EEFSEC: variants seen among roughly 807,000 people sequenced by gnomAD.
EEFSEC encodes eukaryotic elongation factor, selenocysteine-tRNA specific.
EEFSEC carries 43 observed loss-of-function variants against 42.1 expected under a neutral mutation model. The observed-to-expected ratio is 1.02, with a 90% CI of 0.80 to 1.32. The LOEUF (loss-of-function observed/expected upper bound fraction) is 1.32. EEFSEC is among the 40% of genes most tolerant of loss of function. The pLI is 0.00. For synonymous variants in EEFSEC, 354 were observed against 339.1 expected, an observed-to-expected ratio of 1.04 and a Z score of -0.48; for missense variants, 745 against 803.6, an observed-to-expected ratio of 0.93 and a Z score of 0.88.
At chr3:128,398,151 G>T (rs1176086558) in intron 6 of EEFSEC, among the ~76,000 whole-genome samples, 1 of 152,232 alleles carries the variant, frequency 6.6e-6, no homozygotes, top group South Asian at 2.1e-4. Context: ...GGCTGTGCAG[G>T]CCCTGACTAT....
At chr3:128,154,743 C>T (rs1944342939) in intron 1 of EEFSEC, among the ~76,000 whole-genome samples, 1 of 152,194 alleles carries the variant, frequency 6.6e-6, no homozygotes, top group Admixed American at 6.5e-5. Flanking sequence ...GCCACCACGT[C>T]CGGCCTGTAC....
At chr3:128,362,222 C>G (rs772882545) in intron 6 of EEFSEC, 9 of 527,298 alleles carry the variant, frequency 1.7e-5, no homozygotes, top group Non-Finnish European at 3.1e-5. Context: ...TCAGCACTCA[C>G]TCACAGAGGC....
chr3:128,400,404 C>A (rs1201423505), intron 6 of EEFSEC, among the ~76,000 whole-genome samples: 1 of 152,240 alleles, frequency 6.6e-6, no homozygotes, highest in East Asian at 1.9e-4. Flanking sequence ...GAATCCAAGG[C>A]CCTCTGTGGC....
In EEFSEC at chr3:128,204,013, A is replaced by G. The variant is rs140006364; in HGVS notation, c.317-42823A>G. Among the ~76,000 whole-genome samples, 822 of 152,350 alleles carry G rather than the reference A, an allele frequency of 5.4e-3. 4 individuals carry two copies. Among genetic ancestry groups the G allele is most frequent in the Non-Finnish European group, 7.5e-3 (511 of 68,024 alleles). On this transcript the variant is annotated intron_variant, in intron 1 of 6. Transcript: ENST00000254730. ...AAAGCAGCTCTGTGAAGTGAGTCCT[A>G]TTTTCTCAGTGACTTGCATATTCTA... is the stretch of plus-strand genomic sequence containing the variant.
chr3:128,174,828 A>C (rs1265532719), intron 1 of EEFSEC, among the ~76,000 whole-genome samples: 1 of 152,206 alleles, frequency 6.6e-6, no homozygotes, highest in Non-Finnish European at 1.5e-5. Context: ...TGGCACCAGA[A>C]TGTAGCCACT....
At chr3:128,229,505 T>C (rs2065939293) in intron 1 of EEFSEC, among the ~76,000 whole-genome samples, 1 of 152,186 alleles carries the variant, frequency 6.6e-6, no homozygotes, top group African/African-American at 2.4e-5. Flanking sequence ...AAATCTGCCC[T>C]ACCCCAGGCA....
intron 4 of EEFSEC, among the ~76,000 whole-genome samples, chr3:128,285,548 C>T (rs753943051): frequency 6.6e-6 from 1 of 152,158 alleles, no homozygotes; most frequent in Non-Finnish European, 1.5e-5. Flanking sequence ...CTCCTCACCA[C>T]CTGTAGCATG....
intron 1 of EEFSEC, among the ~76,000 whole-genome samples, chr3:128,211,755 A>G (rs2065758187): frequency 6.6e-6 from 1 of 150,388 alleles, no homozygotes; most frequent in African/African-American, 2.5e-5. Flanking sequence ...AGTTCAGGCA[A>G]TTTGCCTGCC....
intron 1 of EEFSEC, among the ~76,000 whole-genome samples, chr3:128,174,102 G>T (rs992301206): frequency 6.6e-6 from 1 of 152,176 alleles, no homozygotes; most frequent in Non-Finnish European, 1.5e-5. Flanking sequence ...TGCTCTGGCC[G>T]CTGCTCTCAG....
At chr3:128,290,040 T>A (rs1456888395) in intron 4 of EEFSEC, among the ~76,000 whole-genome samples, 1 of 152,228 alleles carries the variant, frequency 6.6e-6, no homozygotes, top group Non-Finnish European at 1.5e-5. Context: ...AAATTGCCTT[T>A]TCATTTTGTT....
intron 4 of EEFSEC, among the ~76,000 whole-genome samples, chr3:128,286,920 A>C (rs780087005): frequency 6.6e-6 from 1 of 152,230 alleles, no homozygotes. Context: ...AATCAAGTAC[A>C]CATGGCTCAT....
chr3:128,338,283 G>A (rs556268246), intron 4 of EEFSEC, among the ~76,000 whole-genome samples: 5 of 152,298 alleles, frequency 3.3e-5, no homozygotes, highest in East Asian at 1.9e-4. Flanking sequence ...TCAAGGCAGC[G>A]GCACCCTCCC....
At chr3:128,243,501 G>A (rs1392310537) in intron 1 of EEFSEC, among the ~76,000 whole-genome samples, 2 of 152,226 alleles carry the variant, frequency 1.3e-5, no homozygotes, top group African/African-American at 4.8e-5. Flanking sequence ...TAAAGTAGAA[G>A]AGGCAGGGAT....
chr3:128,395,448 G>A (rs1408546241), intron 6 of EEFSEC, among the ~76,000 whole-genome samples: 1 of 152,214 alleles, frequency 6.6e-6, no homozygotes, highest in Non-Finnish European at 1.5e-5. Flanking sequence ...GAATGCCCGG[G>A]TGTGACTGTC....
the EEFSEC span, among the ~76,000 whole-genome samples, chr3:128,422,491 A>G: frequency 6.6e-6 from 1 of 152,294 alleles, no homozygotes; most frequent in South Asian, 2.1e-4. Flanking sequence ...CTGGGGGTTG[A>G]GGTCCCGAGA....
At chr3:128,331,248 C>A in intron 4 of EEFSEC, among the ~76,000 whole-genome samples, 1 of 43,638 alleles carries the variant, frequency 2.3e-5, no homozygotes. Flanking sequence ...CATCTCCCCT[C>A]TTCCCCCCTT....
intron 4 of EEFSEC, among the ~76,000 whole-genome samples, chr3:128,271,762 C>T (rs1259496527): frequency 6.6e-6 from 1 of 152,134 alleles, no homozygotes; most frequent in Non-Finnish European, 1.5e-5. Flanking sequence ...GCATGCTGCT[C>T]CTCCCCTTGC....
At chr3:128,326,292 C>T (rs375316868) in intron 4 of EEFSEC, among the ~76,000 whole-genome samples, 4 of 152,210 alleles carry the variant, frequency 2.6e-5, no homozygotes, top group East Asian at 3.8e-4. Context: ...CCAGGCACTG[C>T]GTGAAGCTTG....
chr3:128,186,678 C>G (rs1447028927), intron 1 of EEFSEC, among the ~76,000 whole-genome samples: 1 of 152,106 alleles, frequency 6.6e-6, no homozygotes, highest in Non-Finnish European at 1.5e-5. Context: ...AAAAACTGTT[C>G]CCTCTATTGA....
Sources: allele counts gnomAD v4.1 joint callset (sites outside exome capture counted in the v4.1 genomes callset), GRCh38; gene constraint gnomAD v4.1.1; transcripts MANE v1.5; gene names NCBI Gene and HGNC (gene_info 2026-07-23, HGNC 2026-07-21).